The following AUTS2 variants were observed in gnomAD, a reference collection of about 807,000 sequenced individuals.
AUTS2 encodes autism susceptibility gene 2 protein.
Under a neutral mutation model 112.4 loss-of-function variants are expected in AUTS2, and 17 were observed. The ratio of observed to expected loss-of-function variants is 0.15; its 90% CI spans 0.10 to 0.23. The LOEUF (loss-of-function observed/expected upper bound fraction) is 0.23. Among genes scored for constraint, AUTS2 ranks in the 10% least tolerant of loss-of-function variants. AUTS2 has a pLI of 1.00. For missense variants in AUTS2, 1,510 were observed against 1,701.6 expected, an observed-to-expected ratio of 0.89 and a Z score of 1.98; for synonymous variants, 751 against 702.7, an observed-to-expected ratio of 1.07 and a Z score of -1.09.
chr7:70,119,235 T>C (rs1251885289), intron 3 of AUTS2: 1 of 151,940 alleles, frequency 6.6e-6, no homozygotes, highest in Non-Finnish European at 1.5e-5. Flanking sequence ...TGATCTGCCT[T>C]CTTCGGCCTT....
chr7:69,976,485 T>C (rs1798065348), intron 2 of AUTS2, among the ~76,000 whole-genome samples: 1 of 152,210 alleles, frequency 6.6e-6, no homozygotes, highest in South Asian at 2.1e-4. Context: ...TTGGTATGTA[T>C]GTAGAAGTGG....
intron 1 of AUTS2, among the ~76,000 whole-genome samples, chr7:69,773,596 C>G (rs530011690): frequency 1.3e-5 from 2 of 152,284 alleles, no homozygotes; most frequent in African/African-American, 2.4e-5. Flanking sequence ...AAACCACACC[C>G]CATATCACCA....
chr7:69,843,228 A>G (rs951865070), intron 1 of AUTS2, among the ~76,000 whole-genome samples: 7 of 152,150 alleles, frequency 4.6e-5, no homozygotes, highest in African/African-American at 1.4e-4. Context: ...GTCAGGAAAT[A>G]TCTCATAGAT....
chr7:70,512,902 A>C (rs1247024390), intron 5 of AUTS2, among the ~76,000 whole-genome samples: 1 of 151,506 alleles, frequency 6.6e-6, no homozygotes, highest in Non-Finnish European at 1.5e-5. Context: ...GGGGGGCAGT[A>C]GGTCTTGGAC....
intron 4 of AUTS2, among the ~76,000 whole-genome samples, chr7:70,298,285 G>A (rs936005012): frequency 8.5e-5 from 13 of 152,080 alleles, no homozygotes; most frequent in Admixed American, 7.9e-4. Flanking sequence ...ACCCACCTCA[G>A]CCCCGCAAAG....
chr7:70,280,713 C>G (rs1788175263), intron 4 of AUTS2, among the ~76,000 whole-genome samples: 1 of 152,102 alleles, frequency 6.6e-6, no homozygotes, highest in African/African-American at 2.4e-5. Context: ...CAAAAACACT[C>G]CGTCCCCAAC....
chr7:69,632,756 G>T (rs1272168499), intron 1 of AUTS2, among the ~76,000 whole-genome samples: 2 of 151,950 alleles, frequency 1.3e-5, no homozygotes, highest in Admixed American at 6.6e-5. Context: ...ACAGTTACAA[G>T]AATTTTATGG....
At position 70,763,322 on chromosome 7, in the gene AUTS2, T is replaced by C; in HGVS notation, c.1195T>C (p.Leu399=). Residue 399 remains leucine (L), a synonymous_variant, in exon 7 of 19, where the codon TTA becomes CTA. Transcript: ENST00000342771. ...ATTGTCAGCCTACAACAGCAGTAGC[T>C]TAAGCCTCAACAGTTTAAGGTGAGT... ...QPLSAYNSSS[L]SLNSLSSSRS... 1 of 1,583,026 alleles carries C rather than the reference T, an allele frequency of 6.3e-7. No individual in the cohort carries two copies. Among genetic ancestry groups the C allele is most frequent in the Non-Finnish European group, 8.6e-7 (1 of 1,162,802 alleles).
At chr7:69,994,429 G>A (rs1798860980) in intron 2 of AUTS2, among the ~76,000 whole-genome samples, 1 of 152,210 alleles carries the variant, frequency 6.6e-6, no homozygotes, top group Admixed American at 6.5e-5. Context: ...TGCATTTGTA[G>A]TAATTGAGTG....
intron 1 of AUTS2, among the ~76,000 whole-genome samples, chr7:69,668,057 A>G (rs1796151120): frequency 8.7e-6 from 1 of 115,208 alleles, no homozygotes; most frequent in Non-Finnish European, 1.8e-5. Context: ...ACAGGCAACA[A>G]ATGACTGTTT....
intron 2 of AUTS2, among the ~76,000 whole-genome samples, chr7:69,900,303 A>G (rs928269448): frequency 3.9e-5 from 6 of 152,190 alleles, no homozygotes; most frequent in African/African-American, 1.4e-4. Context: ...TGGCAGGACC[A>G]TTGGGTAGGA....
chr7:70,266,191 G>A (rs1787413832), intron 4 of AUTS2, among the ~76,000 whole-genome samples: 1 of 152,204 alleles, frequency 6.6e-6, no homozygotes. Context: ...TATCCATAAA[G>A]TAGAATATTA....
At chr7:70,363,660 C>G (rs538822208) in intron 4 of AUTS2, among the ~76,000 whole-genome samples, 4 of 152,060 alleles carry the variant, frequency 2.6e-5, no homozygotes, top group Non-Finnish European at 5.9e-5. Context: ...TTATACTTTT[C>G]AAGTTTTTCA....
intron 2 of AUTS2, among the ~76,000 whole-genome samples, chr7:70,081,293 G>A (rs1388797747): frequency 6.6e-6 from 1 of 150,840 alleles, no homozygotes; most frequent in Non-Finnish European, 1.5e-5. Context: ...GGTCATGCCT[G>A]TAATCCCAGC....
At chr7:70,303,961 A>G (rs1189804256) in intron 4 of AUTS2, among the ~76,000 whole-genome samples, 1 of 152,112 alleles carries the variant, frequency 6.6e-6, no homozygotes, top group Non-Finnish European at 1.5e-5. Flanking sequence ...CCTGTTTCAC[A>G]TCTCTGACTC....
chr7:70,419,036 A>G (rs1795106533), intron 4 of AUTS2, among the ~76,000 whole-genome samples: 1 of 152,208 alleles, frequency 6.6e-6, no homozygotes, highest in Non-Finnish European at 1.5e-5. Flanking sequence ...GATTAAAAAA[A>G]GAAATTGAAC....
At chr7:69,777,836 G>A (rs1347871161) in intron 1 of AUTS2, among the ~76,000 whole-genome samples, 1 of 152,186 alleles carries the variant, frequency 6.6e-6, no homozygotes, top group East Asian at 1.9e-4. Flanking sequence ...TGTGAGGTGG[G>A]AGGGCGTTGG....
intron 5 of AUTS2, among the ~76,000 whole-genome samples, chr7:70,691,049 T>C (rs1171571408): frequency 2.6e-5 from 4 of 152,254 alleles, no homozygotes; most frequent in African/African-American, 9.6e-5. Flanking sequence ...TTTAAATCTT[T>C]AGATGTATTT....
chr7:69,661,660 T>A (rs1023781303), intron 1 of AUTS2, among the ~76,000 whole-genome samples: 1 of 152,126 alleles, frequency 6.6e-6, no homozygotes, highest in African/African-American at 2.4e-5. Flanking sequence ...AACGGACACT[T>A]TTGTTGTTTT....
Sources: allele counts gnomAD v4.1 joint callset (sites outside exome capture counted in the v4.1 genomes callset), GRCh38; gene constraint gnomAD v4.1.1; transcripts MANE v1.5; gene names NCBI Gene and HGNC (gene_info 2026-07-23, HGNC 2026-07-21).